PLA2G6: variants seen among roughly 807,000 people sequenced by gnomAD.
The protein encoded by PLA2G6 is phospholipase A2 group VI.
A neutral mutation model predicts 83.8 loss-of-function variants in PLA2G6; 62 were observed. The observed-to-expected ratio is 0.74, with a 90% CI of 0.60 to 0.91. The LOEUF (loss-of-function observed/expected upper bound fraction) is 0.91, where lower values mean the gene tolerates loss of function less well. PLA2G6 is among the 40% of genes least tolerant of loss of function. PLA2G6 has a pLI of 0.00. For synonymous variants in PLA2G6, 417 were observed against 449.8 expected, an observed-to-expected ratio of 0.93 and a Z score of 0.92; for missense variants, 944 against 1,102.0, an observed-to-expected ratio of 0.86 and a Z score of 2.03.
chr22:38,117,569 T>C (rs577837870), intron 12 of PLA2G6, among the ~76,000 whole-genome samples: 2 of 152,060 alleles, frequency 1.3e-5, no homozygotes, highest in South Asian at 4.1e-4. Flanking sequence ...TAAGAGAGAG[T>C]AGGCCTCAAA....
chr22:38,127,528 A>C, intron 9 of PLA2G6: 1 of 1,045,364 alleles, frequency 9.6e-7, no homozygotes, highest in Non-Finnish European at 1.3e-6. Context: ...AGGTGGAGCC[A>C]GGACTAGAAG....
At chr22:38,112,605 C>G (rs772524061) in intron 15 of PLA2G6, 28 bp from the exon 16 acceptor site, 3 of 1,538,504 alleles carry the variant, frequency 1.9e-6, no homozygotes, top group Non-Finnish European at 2.6e-6. Flanking sequence ...TGGTGAGTGC[C>G]GGGCCCACAC....
chr22:38,121,057 T>A, intron 11 of PLA2G6, 148 bp from the exon 12 acceptor site: 1 of 760,044 alleles, frequency 1.3e-6, no homozygotes, highest in Non-Finnish European at 2.2e-6. Context: ...GGGCCCTTCC[T>A]TTGCAACCTC....
At chr22:38,129,719 C>G (rs1292657807) in intron 7 of PLA2G6, among the ~76,000 whole-genome samples, 157 bp from the exon 8 acceptor site, 3 of 152,200 alleles carry the variant, frequency 2.0e-5, no homozygotes, top group Non-Finnish European at 2.9e-5. Context: ...CCAAGTCAAT[C>G]TGGTAGTCCA....
intron 2 of PLA2G6, among the ~76,000 whole-genome samples, chr22:38,159,495 G>A (rs962650968): frequency 2.9e-4 from 44 of 152,166 alleles, no homozygotes; most frequent in African/African-American, 1.0e-3. Flanking sequence ...TTGGGAGGCT[G>A]AGGTGGGAGG....
At position 38,123,869 on chromosome 22, in the gene PLA2G6, C is replaced by G. The variant is rs1163732928; in HGVS notation, c.1428-611G>C. On this transcript the variant is annotated intron_variant, in intron 10 of 16. Transcript: ENST00000332509. This position sits in a 1 kb window ranked among gnomAD's most constrained non-coding sequence, Gnocchi z 4.1. Reference sequence around the variant, plus strand: ...ATTTATTTAGAGACGGAGTTTCACTCTTGTTGCCCAGGCTGGAGTGCAATA... The same window carrying G: ...ATTTATTTAGAGACGGAGTTTCACTGTTGTTGCCCAGGCTGGAGTGCAATA... 6.6e-6 allele frequency among the ~76,000 whole-genome samples: 1 copy of G among 152,162 alleles called. No individual in the cohort carries two copies. Among genetic ancestry groups the G allele is most frequent in the Non-Finnish European group, 1.5e-5 (1 of 68,020 alleles).
intron 5 of PLA2G6, chr22:38,138,640 A>T (rs1388451659): frequency 1.3e-5 from 2 of 152,174 alleles, no homozygotes; most frequent in Non-Finnish European, 2.9e-5. Flanking sequence ...TCATTGGCTC[A>T]TTCATTCATT....
intron 1 of PLA2G6, among the ~76,000 whole-genome samples, chr22:38,175,543 C>T (rs745360384): frequency 6.6e-6 from 1 of 152,238 alleles, no homozygotes; most frequent in Non-Finnish European, 1.5e-5. Flanking sequence ...GGATACCACA[C>T]ATACGCTCCA....
rs200802436 is a variant in PLA2G6, at chr22:38,128,438, T to C, written c.1187-8A>G. The C allele has an allele frequency of 7.4e-6, 12 of 1,613,810 alleles. No homozygotes were observed. Among genetic ancestry groups the C allele is most frequent in the African/African-American group, 4.0e-5 (3 of 74,994 alleles). On this transcript the variant is annotated splice_region_variant and splice_polypyrimidine_tract_variant and intron_variant, in intron 8 of 16. Transcript: ENST00000332509. This position sits in a 1 kb window ranked among gnomAD's most constrained non-coding sequence, Gnocchi z 4.4. ...TCGCCTTCCTGGTGACAACTTGTCA[T>C]GGTTTGGGGAAGGGGAGATGGCACA...
Position 38,111,851 on chromosome 22 carries a change from G to A in PLA2G6, c.*310C>T, listed in dbSNP as rs1329594552. 2.4e-6 allele frequency: 1 copy of A among 421,984 alleles called. No homozygotes were observed. Among genetic ancestry groups the A allele is most frequent in the East Asian group, 5.1e-5 (1 of 19,700 alleles). The allele number at this position is 421,984 out of a possible 1,614,324, so 26.1% of individuals were successfully genotyped here. On this transcript the variant is annotated 3_prime_UTR_variant, in exon 17 of 17. Coordinates refer to ENST00000332509, the MANE Select transcript of PLA2G6 (RefSeq NM_003560.4). ...AGGCTGGGGCTGGGGGCAGGGGTACGGTTGTGCCCGGGTACCCTTAATGTT... is the reference window on the plus strand; with the variant it reads ...AGGCTGGGGCTGGGGGCAGGGGTACAGTTGTGCCCGGGTACCCTTAATGTT...
In PLA2G6 at chr22:38,135,331, T is replaced by A. The variant is rs2088485941; in HGVS notation, c.798-247A>T. 5.9e-6 allele frequency: 3 copies of A among 507,952 alleles called. No individual in the cohort carries two copies. In the South Asian group the frequency reaches 6.4e-5, roughly 11 times the overall value. 31.5% of individuals were successfully genotyped at this position (507,952 alleles called of 1,614,324 possible). On this transcript the variant is annotated intron_variant, in intron 5 of 16. Transcript: ENST00000332509. Reference sequence around the variant, plus strand: ...AATGATCACCCTCCCTGGTACTGGCTTTAGAGTCAGATGGGCTTGAAGTCA... The same window carrying A: ...AATGATCACCCTCCCTGGTACTGGCATTAGAGTCAGATGGGCTTGAAGTCA...
intron 1 of PLA2G6, among the ~76,000 whole-genome samples, chr22:38,170,899 G>A (rs781485157): frequency 2.0e-5 from 3 of 152,126 alleles, no homozygotes; most frequent in Admixed American, 6.5e-5. Flanking sequence ...AACAAGGCAC[G>A]GTGGTTCACG....
At chr22:38,143,477 C>A in intron 3 of PLA2G6, 189 bp from the exon 4 acceptor site, 1 of 679,672 alleles carries the variant, frequency 1.5e-6, no homozygotes, top group Non-Finnish European at 2.7e-6. Context: ...TGACCTGTAT[C>A]AGGTTTCTGT....
At chr22:38,133,329 C>T (rs539042397) in intron 6 of PLA2G6, 3 of 450,628 alleles carry the variant, frequency 6.7e-6, no homozygotes, top group South Asian at 2.6e-5. Flanking sequence ...TGAAGCACCC[C>T]GCTCCCTGCA....
At chr22:38,141,768 T>C (rs1394409266) in intron 4 of PLA2G6, 1 of 151,498 alleles carries the variant, frequency 6.6e-6, no homozygotes, top group African/African-American at 2.4e-5. Context: ...GAGAAGCGGG[T>C]GTGCACACCC....
At position 38,112,110 on chromosome 22, in the gene PLA2G6, C is replaced by G. The variant is rs150959243; in HGVS notation, c.*51G>C. ...AGGGCAGTGGCTGGGCTTGGCCTGG[C>G]AGGGGCTGAATGGACGAGGTCAGCT... On this transcript the variant is annotated 3_prime_UTR_variant, in exon 17 of 17. Transcript: ENST00000332509. 6.9e-5 allele frequency: 107 copies of G among 1,551,456 alleles called. No individual in the cohort carries two copies. The African/African-American group carries it at 1.2e-3, about 18-fold the overall frequency.
In PLA2G6 at chr22:38,128,486, G is replaced by A; in HGVS notation, c.1187-56C>T. 1 of 1,572,854 alleles carries A rather than the reference G, an allele frequency of 6.4e-7. No homozygotes were observed. Among genetic ancestry groups the A allele is most frequent in the Non-Finnish European group, 8.7e-7 (1 of 1,145,932 alleles). ...ACAGGATCAGAAATGATGTCAACAT[G>A]CAAAGGAGAGGCCCCTCCTTTCCAC... On this transcript the variant is annotated intron_variant, in intron 8 of 16. Transcript: ENST00000332509. This position sits in a 1 kb window ranked among gnomAD's most constrained non-coding sequence, Gnocchi z 4.4.
Position 38,132,873 on chromosome 22 carries a change from G to A in PLA2G6, c.1035C>T (p.Ala345=), listed in dbSNP as rs1397600194. Residue 345 remains alanine (A), a synonymous_variant, in exon 7 of 17, where the codon GCC becomes GCT. Transcript: ENST00000332509. This position sits in a 1 kb window ranked among gnomAD's most constrained non-coding sequence, Gnocchi z 5.0. ...VLLTHGANAD[A]RGEHGNTPLH... Reference sequence around the variant, plus strand: ...GCGGGGTGTTGCCGTGCTCTCCGCGGGCATCCGCGTTGGCCCCGTGGGTCA... The same window carrying A: ...GCGGGGTGTTGCCGTGCTCTCCGCGAGCATCCGCGTTGGCCCCGTGGGTCA... The A allele has an allele frequency of 1.9e-6, 3 of 1,553,240 alleles. No homozygotes were observed. Among genetic ancestry groups the A allele is most frequent in the Non-Finnish European group, 1.7e-6 (2 of 1,149,472 alleles).
intron 15 of PLA2G6, 50 bp downstream of exon 15, chr22:38,113,437 T>A (rs751190198): frequency 1.9e-6 from 3 of 1,581,864 alleles, no homozygotes; most frequent in Non-Finnish European, 2.6e-6. Flanking sequence ...GCCATCGACC[T>A]GGGCTACAGA....
Sources: gnomAD v4.1 joint callset for allele counts (sites outside exome capture counted in the v4.1 genomes callset) on GRCh38, gnomAD v4.1.1 for gene constraint, Gnocchi (gnomAD v3.1) non-coding constraint, MANE v1.5 for transcripts, NCBI Gene and HGNC (gene_info 2026-07-23, HGNC 2026-07-21) for gene names.